Variants in LGSN observed in about 807,000 individuals in gnomAD.
LGSN encodes the protein lengsin, lens protein with glutamine synthetase domain.
LGSN carries 21 observed loss-of-function variants against 19.5 expected under a neutral mutation model. The observed-to-expected ratio is 1.07, with a 90% confidence interval of 0.76 to 1.55. The LOEUF (loss-of-function observed/expected upper bound fraction) is 1.55, where lower values mean the gene tolerates loss of function less well. LGSN is among the 40% of genes most tolerant of loss of function. The probability of loss-of-function intolerance (pLI) is 0.00; values close to 1 mark genes in which losing one functional copy is unlikely to be tolerated. For synonymous variants in LGSN, 257 were observed against 215.6 expected (o/e 1.19, Z -1.68); for missense variants, 673 against 608.5 (o/e 1.11, Z -1.12).
chr6:63,557,381 C>A, the LGSN span, among the ~76,000 whole-genome samples: 1 of 152,106 alleles, frequency 6.6e-6, no homozygotes, highest in African/African-American at 2.4e-5. Context: ...GCCTGGCCAA[C>A]ATGGTGAAAC....
intron 1 of LGSN, among the ~76,000 whole-genome samples, chr6:63,319,562 G>T (rs1487406479): frequency 6.6e-6 from 1 of 152,056 alleles, no homozygotes; most frequent in Non-Finnish European, 1.5e-5. Flanking sequence ...TTAGAAAGAG[G>T]CCAAAGCTTT....
the LGSN span, among the ~76,000 whole-genome samples, chr6:63,513,430 T>A: frequency 6.7e-6 from 1 of 150,336 alleles, no homozygotes; most frequent in South Asian, 2.1e-4. Context: ...TTTTTTTTTA[T>A]AAGGGGAGCC....
chr6:63,365,195 C>T, the LGSN span, among the ~76,000 whole-genome samples: 1 of 151,816 alleles, frequency 6.6e-6, no homozygotes, highest in African/African-American at 2.4e-5. Context: ...ACTAGCAAGA[C>T]TAATAAAGAA....
At chr6:63,522,285 A>G in the LGSN span, among the ~76,000 whole-genome samples, 1 of 152,236 alleles carries the variant, frequency 6.6e-6, no homozygotes, top group African/African-American at 2.4e-5. Context: ...TAGATGAATT[A>G]TTTGTATAGT....
chr6:63,438,425 G>A, the LGSN span, among the ~76,000 whole-genome samples: 1 of 152,122 alleles, frequency 6.6e-6, no homozygotes, highest in Non-Finnish European at 1.5e-5. Context: ...GCAACCTACA[G>A]AATGGGAGAA....
chr6:63,532,006 G>A, the LGSN span, among the ~76,000 whole-genome samples: 2 of 152,008 alleles, frequency 1.3e-5, no homozygotes, highest in Non-Finnish European at 2.9e-5. Flanking sequence ...TCACCATCTT[G>A]GTGAGGCTGG....
chr6:63,395,926 G>T, the LGSN span: 1 of 154,666 alleles, frequency 6.5e-6, no homozygotes, highest in South Asian at 1.9e-4. Flanking sequence ...CTCTGTGAGA[G>T]GAGAGTGTTC....
At chr6:63,434,528 G>A in the LGSN span, among the ~76,000 whole-genome samples, 2 of 147,250 alleles carry the variant, frequency 1.4e-5, no homozygotes, top group African/African-American at 5.1e-5. Flanking sequence ...TGAGGCCAAA[G>A]CTGTCATATC....
chr6:63,290,249 T>G (rs1477277105), intron 2 of LGSN, among the ~76,000 whole-genome samples: 1 of 152,148 alleles, frequency 6.6e-6, no homozygotes, highest in Non-Finnish European at 1.5e-5. Flanking sequence ...AAAGGGAGCT[T>G]CTGAGCTAAA....
chr6:63,496,877 C>A, the LGSN span, among the ~76,000 whole-genome samples: 1 of 152,194 alleles, frequency 6.6e-6, no homozygotes, highest in Admixed American at 6.5e-5. Context: ...AAAGCTCATG[C>A]AGTTTTGTTC....
the LGSN span, among the ~76,000 whole-genome samples, chr6:63,522,216 T>C: frequency 6.6e-6 from 1 of 152,230 alleles, no homozygotes; most frequent in South Asian, 2.1e-4. Flanking sequence ...CTCCAAAGTA[T>C]TTTAAGGGCT....
chr6:63,320,977 T>G (rs1002616143), upstream of LGSN, among the ~76,000 whole-genome samples: 9 of 152,212 alleles, frequency 5.9e-5, no homozygotes, highest in Non-Finnish European at 8.8e-5. Context: ...CTAAAGCTTC[T>G]GCTCTGTGTA....
At chr6:63,299,117 T>C (rs1035313998) in intron 1 of LGSN, among the ~76,000 whole-genome samples, 1 of 152,208 alleles carries the variant, frequency 6.6e-6, no homozygotes, top group African/African-American at 2.4e-5. Context: ...GGCTCCAACC[T>C]GAACTCAGTA....
chr6:63,523,926 G>A, the LGSN span, among the ~76,000 whole-genome samples: 19 of 152,040 alleles, frequency 1.2e-4, no homozygotes, highest in Admixed American at 1.2e-3. Flanking sequence ...AGTTTCTAAG[G>A]TATGACTATA....
At chr6:63,484,894 T>C in the LGSN span, among the ~76,000 whole-genome samples, 1 of 152,236 alleles carries the variant, frequency 6.6e-6, no homozygotes, top group Non-Finnish European at 1.5e-5. Context: ...GCTAAGTTAA[T>C]GTGTCAGAAT....
At chr6:63,505,601 G>T in the LGSN span, among the ~76,000 whole-genome samples, 3,350 of 115,788 alleles carry the variant, frequency 0.029, 446 homozygotes, top group Middle Eastern at 0.047. Context: ...AAGAAAGAAA[G>T]AAAGAAAGAA....
the LGSN span, among the ~76,000 whole-genome samples, chr6:63,479,357 G>T: frequency 6.6e-6 from 1 of 151,742 alleles, no homozygotes; most frequent in Admixed American, 6.6e-5. Context: ...ATCTAGTAAA[G>T]TAGACAAAGT....
the LGSN span, among the ~76,000 whole-genome samples, chr6:63,544,621 G>A: frequency 1.3e-5 from 2 of 151,960 alleles, no homozygotes; most frequent in Non-Finnish European, 2.9e-5. Context: ...CTTAATAGTG[G>A]ATCAGTTATT....
the LGSN span, among the ~76,000 whole-genome samples, chr6:63,564,582 CTG>C: frequency 5.3e-5 from 8 of 152,230 alleles, no homozygotes; most frequent in African/African-American, 1.9e-4. Flanking sequence ...AATGCCAACT[CTG>C]TAAATTAAAC....
Sources: allele counts gnomAD v4.1 joint callset (sites outside exome capture counted in the v4.1 genomes callset), GRCh38; gene constraint gnomAD v4.1.1; transcripts MANE v1.5; gene names NCBI Gene and HGNC (gene_info 2026-07-23, HGNC 2026-07-21).